The following TRPC7 variants were observed in gnomAD, a reference collection of about 807,000 sequenced individuals.
TRPC7 encodes the protein transient receptor potential cation channel subfamily C member 7.
In TRPC7, 42 loss-of-function variants were observed where a neutral mutation model predicts 90.1. The observed-to-expected ratio is 0.47, with a 90% CI of 0.36 to 0.60. The LOEUF is 0.60. Ranked by LOEUF, TRPC7 falls within the 20% of genes least tolerant of loss-of-function variation. The pLI is 0.00. For synonymous variants in TRPC7, 451 were observed against 436.3 expected (o/e 1.03, Z -0.42); for missense variants, 955 against 1,112.3 (o/e 0.86, Z 2.01).
intron 6 of TRPC7, among the ~76,000 whole-genome samples, chr5:136,248,274 A>G (rs1188832969): frequency 6.6e-6 from 1 of 152,238 alleles, no homozygotes; most frequent in Admixed American, 6.5e-5. Context: ...CATGACTCTG[A>G]GAGACAACTA....
chr5:136,286,078 T>C (rs529358461), intron 3 of TRPC7, among the ~76,000 whole-genome samples: 2 of 152,346 alleles, frequency 1.3e-5, no homozygotes, highest in South Asian at 4.1e-4. Flanking sequence ...CTTGGAACAG[T>C]GTCCAGTACA....
At chr5:136,291,685 T>C (rs1757960323) in intron 3 of TRPC7, among the ~76,000 whole-genome samples, 1 of 152,016 alleles carries the variant, frequency 6.6e-6, no homozygotes, top group Admixed American at 6.5e-5. Flanking sequence ...TCCCACACAA[T>C]AACAATGGGA....
intron 3 of TRPC7, among the ~76,000 whole-genome samples, chr5:136,309,890 CCCT>C (rs1357976769): frequency 6.6e-6 from 1 of 152,174 alleles, no homozygotes; most frequent in Non-Finnish European, 1.5e-5. Flanking sequence ...CCATCTTCAC[CCCT>C]CCTGTTTCCT....
At chr5:136,220,709 G>T (rs1293412118) in intron 10 of TRPC7, among the ~76,000 whole-genome samples, 2 of 152,072 alleles carry the variant, frequency 1.3e-5, no homozygotes, top group Non-Finnish European at 2.9e-5. Flanking sequence ...GGCCTCAGAG[G>T]CATATGATCT....
chr5:136,353,379 G>A (rs529547314), intron 2 of TRPC7, among the ~76,000 whole-genome samples: 1 of 152,204 alleles, frequency 6.6e-6, no homozygotes, highest in Non-Finnish European at 1.5e-5. Context: ...TTTAGGGGAT[G>A]TGGAGGATGA....
chr5:136,264,920 A>C (rs890102957), intron 5 of TRPC7, among the ~76,000 whole-genome samples: 1 of 152,082 alleles, frequency 6.6e-6, no homozygotes, highest in Non-Finnish European at 1.5e-5. Flanking sequence ...GTCCCTGGAA[A>C]GCTTGGTGGG....
chr5:136,357,423 C>A (rs760222981), intron 1 of TRPC7, 38 bp from the exon 2 acceptor site: 1 of 1,546,402 alleles, frequency 6.5e-7, no homozygotes, highest in Non-Finnish European at 8.7e-7. Context: ...TACTTTCCTG[C>A]GGATTCCCTA....
At chr5:136,355,048 A>G (rs558102897) in intron 2 of TRPC7, among the ~76,000 whole-genome samples, 4 of 152,348 alleles carry the variant, frequency 2.6e-5, no homozygotes, top group African/African-American at 4.8e-5. Context: ...AGCTCCCCCA[A>G]TGACATCTAG....
At chr5:136,351,293 C>T (rs1031002485) in intron 2 of TRPC7, among the ~76,000 whole-genome samples, 3 of 152,128 alleles carry the variant, frequency 2.0e-5, no homozygotes, top group African/African-American at 7.2e-5. Flanking sequence ...ATAAAACTTC[C>T]CTTTAAGACC....
intron 7 of TRPC7, among the ~76,000 whole-genome samples, chr5:136,235,991 C>T (rs1306898937): frequency 6.6e-6 from 1 of 152,186 alleles, no homozygotes; most frequent in Non-Finnish European, 1.5e-5. Context: ...TCAGTTTACC[C>T]AACTATGAAA....
At chr5:136,345,591 G>T (rs1196142422) in intron 2 of TRPC7, among the ~76,000 whole-genome samples, 1 of 152,030 alleles carries the variant, frequency 6.6e-6, no homozygotes, top group Non-Finnish European at 1.5e-5. Flanking sequence ...TGTAGATTCT[G>T]GATATTAGCC....
chr5:136,244,239 T>C (rs1756263910), intron 7 of TRPC7, among the ~76,000 whole-genome samples: 1 of 151,908 alleles, frequency 6.6e-6, no homozygotes, highest in South Asian at 2.1e-4. Flanking sequence ...GGTTTCACTG[T>C]ATTGCCCAGG....
At chr5:136,353,248 C>T (rs1362836031) in intron 2 of TRPC7, among the ~76,000 whole-genome samples, 1 of 152,132 alleles carries the variant, frequency 6.6e-6, no homozygotes, top group Non-Finnish European at 1.5e-5. Context: ...TTGTTAATGA[C>T]TAGTGTCTAT....
In TRPC7 at chr5:136,347,551, A is replaced by G. The variant is rs115786073; in HGVS notation, c.780+9057T>C. ...GAGAAAGATGTTTTTAGAATCTTGGAAATGCAATGGGAAGATTAAAGTCCA... is the reference window on the plus strand; with the variant it reads ...GAGAAAGATGTTTTTAGAATCTTGGGAATGCAATGGGAAGATTAAAGTCCA... On this transcript the variant is annotated intron_variant, in intron 2 of 11. Transcript: ENST00000513104. Among the ~76,000 whole-genome samples the G allele has an allele frequency of 7.9e-3, 1,204 of 152,324 alleles. 19 individuals are homozygous for G. Among genetic ancestry groups the G allele is most frequent in the Middle Eastern group, 6.8e-3 (2 of 294 alleles).
At chr5:136,282,381 C>T (rs774727437) in intron 3 of TRPC7, among the ~76,000 whole-genome samples, 4 of 152,078 alleles carry the variant, frequency 2.6e-5, no homozygotes, top group East Asian at 3.9e-4. Flanking sequence ...CAGAGAAATG[C>T]GAATATAACT....
chr5:136,283,700 C>T (rs1182609250), intron 3 of TRPC7, among the ~76,000 whole-genome samples: 1 of 152,182 alleles, frequency 6.6e-6, no homozygotes, highest in Non-Finnish European at 1.5e-5. Context: ...GCTTAGAAAC[C>T]TTGCTCATGA....
chr5:136,236,024 G>A (rs994648729), intron 7 of TRPC7, among the ~76,000 whole-genome samples: 4 of 152,216 alleles, frequency 2.6e-5, no homozygotes, highest in Admixed American at 6.5e-5. Context: ...TGCTTCTATT[G>A]TTCAGCTGAC....
intron 10 of TRPC7, among the ~76,000 whole-genome samples, chr5:136,224,901 C>G (rs1755579360): frequency 6.6e-6 from 1 of 152,190 alleles, no homozygotes; most frequent in Non-Finnish European, 1.5e-5. Context: ...GCTGACTGTT[C>G]TCTCCTTGAA....
At chr5:136,349,073 G>A (rs531829791) in intron 2 of TRPC7, among the ~76,000 whole-genome samples, 159 of 152,152 alleles carry the variant, frequency 1.0e-3, no homozygotes, top group African/African-American at 3.4e-3. Context: ...TCTTTTCCAC[G>A]GAGATATTTT....
Sources: gnomAD v4.1 joint callset for allele counts (sites outside exome capture counted in the v4.1 genomes callset) on GRCh38, gnomAD v4.1.1 for gene constraint, MANE v1.5 for transcripts, NCBI Gene and HGNC (gene_info 2026-07-23, HGNC 2026-07-21) for gene names.